IQCK: variants seen among roughly 807,000 people sequenced by gnomAD.
The protein encoded by IQCK is IQ motif containing K.
IQCK carries 29 observed loss-of-function variants against 28.1 expected under a neutral mutation model. The ratio of observed to expected loss-of-function variants is 1.03; its 90% CI spans 0.77 to 1.41. IQCK has a LOEUF of 1.41. Among genes scored for constraint, IQCK ranks in the 40% most tolerant of loss-of-function variants. The probability of loss-of-function intolerance (pLI) is 0.00; values close to 1 mark genes in which losing one functional copy is unlikely to be tolerated. For missense variants in IQCK, 359 were observed against 314.7 expected (o/e 1.14, Z -1.07); for synonymous variants, 113 against 115.1 (o/e 0.98, Z 0.12).
At chr16:19,718,581 G>A (rs1478235248) in intron 1 of IQCK, 94 bp downstream of exon 1, 3 of 1,170,812 alleles carry the variant, frequency 2.6e-6, no homozygotes, top group African/African-American at 1.6e-5. Flanking sequence ...GTCGGCTGAC[G>A]GGCGGGGCCG....
chr16:19,847,281 G>A (rs931701921), intron 9 of IQCK, among the ~76,000 whole-genome samples: 1 of 152,154 alleles, frequency 6.6e-6, no homozygotes, highest in Non-Finnish European at 1.5e-5. Context: ...GACTAAAAAG[G>A]TGGGCACATT....
chr16:19,814,032 A>G (rs1362976957), intron 7 of IQCK, among the ~76,000 whole-genome samples: 4 of 152,074 alleles, frequency 2.6e-5, no homozygotes, highest in East Asian at 1.9e-4. Context: ...AGCCTGGCCA[A>G]CGTGGTGAAA....
At chr16:19,829,914 A>C (rs2056207412), downstream of IQCK, among the ~76,000 whole-genome samples, 1 of 152,196 alleles carries the variant, frequency 6.6e-6, no homozygotes. Flanking sequence ...ATAATAGGAC[A>C]CATTGACATC....
chr16:19,855,317 C>T (rs762683150), intron 9 of IQCK, among the ~76,000 whole-genome samples: 6 of 152,154 alleles, frequency 3.9e-5, no homozygotes, highest in Non-Finnish European at 7.3e-5. Context: ...CAGGGCCAGG[C>T]GCAGTGGCTC....
chr16:19,849,076 C>G (rs2056447372), intron 9 of IQCK, among the ~76,000 whole-genome samples: 1 of 152,028 alleles, frequency 6.6e-6, no homozygotes, highest in Admixed American at 6.6e-5. Flanking sequence ...CATCTTTGGG[C>G]TCTAATTGCA....
intron 9 of IQCK, among the ~76,000 whole-genome samples, chr16:19,847,305 T>C (rs1251659042): frequency 6.6e-6 from 1 of 152,050 alleles, no homozygotes; most frequent in Non-Finnish European, 1.5e-5. Context: ...GTGTCTGTTC[T>C]CTTCCTCCCC....
intron 4 of IQCK, among the ~76,000 whole-genome samples, chr16:19,759,253 C>G (rs2055098628): frequency 6.6e-6 from 1 of 151,974 alleles, no homozygotes; most frequent in Non-Finnish European, 1.5e-5. Flanking sequence ...GCTCTGTTGC[C>G]CAGGCTGGAG....
intron 1 of IQCK, among the ~76,000 whole-genome samples, chr16:19,722,094 C>T (rs1478959396): frequency 6.6e-6 from 1 of 152,018 alleles, no homozygotes; most frequent in African/African-American, 2.4e-5. Flanking sequence ...GAAAGATGAC[C>T]CCAACTGGCT....
rs556816423 is a variant in IQCK, at chr16:19,761,860, C to T, written c.475-1988C>T. On this transcript the variant is annotated intron_variant, in intron 4 of 7. Coordinates refer to ENST00000564186, the Ensembl canonical transcript of IQCK. ...TATTTCTCCTTACACATTTAGATGTCCAGAGTAGGGCAGGCCCAGGCTGGT... is the reference window on the plus strand; with the variant it reads ...TATTTCTCCTTACACATTTAGATGTTCAGAGTAGGGCAGGCCCAGGCTGGT... 1.2e-4 allele frequency: 19 copies of T among 164,710 alleles called. No individual in the cohort carries two copies. In the South Asian group the frequency reaches 1.8e-3, roughly 15 times the overall value. The allele number at this position is 164,710 out of a possible 1,614,324, so 10.2% of individuals were successfully genotyped here.
chr16:19,730,377 C>T (rs1237086968), intron 1 of IQCK, 53 bp from the exon 2 acceptor site: 1 of 1,347,122 alleles, frequency 7.4e-7, no homozygotes, highest in South Asian at 1.3e-5. Flanking sequence ...GGAAATTACA[C>T]CAGAAACTCT....
At chr16:19,854,956 T>C (rs555821475) in intron 9 of IQCK, among the ~76,000 whole-genome samples, 137 of 152,336 alleles carry the variant, frequency 9.0e-4, no homozygotes, top group African/African-American at 3.2e-3. Context: ...TTTTAAAATG[T>C]CCTGTGACCA....
intron 6 of IQCK, among the ~76,000 whole-genome samples, chr16:19,784,606 C>G (rs1251089479): frequency 6.6e-6 from 1 of 152,166 alleles, no homozygotes; most frequent in Non-Finnish European, 1.5e-5. Context: ...GGAGCAAACA[C>G]AGGACCAGTG....
chr16:19,837,423 T>G (rs775403252), intron 9 of IQCK, among the ~76,000 whole-genome samples: 28 of 151,994 alleles, frequency 1.8e-4, no homozygotes, highest in Non-Finnish European at 3.8e-4. Flanking sequence ...ATAAAAAGAT[T>G]GGCTTTGGAG....
At chr16:19,741,697 T>C (rs2054837475) in intron 4 of IQCK, among the ~76,000 whole-genome samples, 1 of 152,070 alleles carries the variant, frequency 6.6e-6, no homozygotes, top group South Asian at 2.1e-4. Context: ...TTAAAACTGT[T>C]CATATGTGGC....
intron 9 of IQCK, among the ~76,000 whole-genome samples, chr16:19,843,678 G>A (rs1343016049): frequency 1.3e-5 from 2 of 152,316 alleles, no homozygotes; most frequent in East Asian, 3.9e-4. Flanking sequence ...CAAGGAACCA[G>A]CATGGTCAGG....
chr16:19,762,798 T>C (rs1381621853), intron 4 of IQCK, among the ~76,000 whole-genome samples: 1 of 152,136 alleles, frequency 6.6e-6, no homozygotes, highest in African/African-American at 2.4e-5. Context: ...GGCAGACTGC[T>C]TGAGCTTAGG....
intron 4 of IQCK, among the ~76,000 whole-genome samples, chr16:19,736,984 CAA>C (rs55687544): frequency 3.0e-4 from 20 of 67,042 alleles, no homozygotes; most frequent in Non-Finnish European, 3.4e-4. Flanking sequence ...CCGGTATTTA[CAA>C]AAAAAAAAAA....
At chr16:19,821,122 T>A (rs2056065931) in intron 7 of IQCK, among the ~76,000 whole-genome samples, 1 of 151,914 alleles carries the variant, frequency 6.6e-6, no homozygotes, top group African/African-American at 2.4e-5. Context: ...GTGGGAGGAT[T>A]ACTTGAGCCC....
intron 9 of IQCK, among the ~76,000 whole-genome samples, chr16:19,855,098 G>C (rs2056540923): frequency 2.0e-5 from 3 of 152,070 alleles, no homozygotes; most frequent in Admixed American, 6.5e-5. Flanking sequence ...AGACTCTGAG[G>C]GCCCTCATTT....
Sources: allele counts gnomAD v4.1 joint callset (sites outside exome capture counted in the v4.1 genomes callset), GRCh38; gene constraint gnomAD v4.1.1; transcripts MANE v1.5; gene names NCBI Gene and HGNC (gene_info 2026-07-23, HGNC 2026-07-21).